Variants in P2RY10 observed in about 807,000 individuals in gnomAD.
P2RY10 encodes P2Y receptor family member 10.
P2RY10 carries 4 observed loss-of-function variants against 12.1 expected under a neutral mutation model. The observed-to-expected ratio is 0.33, with a 90% CI of 0.16 to 0.76. The LOEUF (loss-of-function observed/expected upper bound fraction) is 0.76. P2RY10 is among the 30% of genes least tolerant of loss of function. The probability of loss-of-function intolerance (pLI) is 0.61; values close to 1 mark genes in which losing one functional copy is unlikely to be tolerated. For synonymous variants in P2RY10, 112 were observed against 94.1 expected (o/e 1.19, Z -1.10); for missense variants, 233 against 264.6 (o/e 0.88, Z 0.83).
At chrX:78,947,548 C>T (rs1044472768) in intron 1 of P2RY10, among the ~76,000 whole-genome samples, 7 of 111,622 alleles carry the variant, frequency 6.3e-5, no homozygotes, top group Admixed American at 2.8e-4. Context: ...GTGTGGCCTT[C>T]GGTGAGTTAT....
chrX:78,950,121 A>G (rs1922040670), intron 2 of P2RY10, among the ~76,000 whole-genome samples: 1 of 111,478 alleles, frequency 9.0e-6, no homozygotes, highest in African/African-American at 3.3e-5. Context: ...GGAGAAGTAA[A>G]TTTGATAAAC....
rs1197184372 is a variant in P2RY10, at chrX:78,961,154, A to T, written c.634A>T (p.Ile212Phe). ...GCTTGCAGGATTTGTGATCCCAGTG[A>T]TCATCATCGCATGGTGTACCTGGAA... ...AELAGFVIPV[I>F]IIAWCTWKTT... Residue 212 changes from isoleucine to phenylalanine, a missense_variant, in exon 4 of 4, where the codon ATC becomes TTC. Transcript: ENST00000171757. 5 of 1,211,243 alleles carry T rather than the reference A, an allele frequency of 4.1e-6. No individual in the cohort carries two copies. Among genetic ancestry groups the T allele is most frequent in the Admixed American group, 4.3e-5 (2 of 46,039 alleles).
Position 78,961,683 on chromosome X carries a change from G to C in P2RY10, c.*143G>C. On this transcript the variant is annotated 3_prime_UTR_variant, in exon 4 of 4. Transcript: ENST00000171757. ...TTTTGTGTAATATTCACAGTCAACAGGGGTGTGATGGTGAAGGCAGAGTGT... is the reference window on the plus strand; with the variant it reads ...TTTTGTGTAATATTCACAGTCAACACGGGTGTGATGGTGAAGGCAGAGTGT... 1 of 431,595 alleles carries C rather than the reference G, an allele frequency of 2.3e-6. No homozygotes were observed. The highest frequency in any genetic ancestry group is 4.0e-6 in the Non-Finnish European group (1 of 251,765). 35.6% of individuals were successfully genotyped at this position (431,595 alleles called of 1,213,427 possible). A position where few individuals can be genotyped will look rare whatever the true frequency, so the allele number is the denominator to read the frequency against.
intron 3 of P2RY10, among the ~76,000 whole-genome samples, chrX:78,958,250 G>A (rs1411922155): frequency 3.6e-5 from 4 of 112,658 alleles, no homozygotes; most frequent in Non-Finnish European, 7.5e-5. Context: ...CAGTGAAATC[G>A]AAATAATGTC....
At chrX:78,947,388 G>A (rs777523292) in intron 1 of P2RY10, among the ~76,000 whole-genome samples, 1 of 111,635 alleles carries the variant, frequency 9.0e-6, no homozygotes, top group South Asian at 3.8e-4. Context: ...TTGGCAAAAA[G>A]GTTTATTTAT....
intron 3 of P2RY10, among the ~76,000 whole-genome samples, chrX:78,956,987 C>A (rs750451105): frequency 2.7e-5 from 3 of 110,992 alleles, no homozygotes; most frequent in Middle Eastern, 4.7e-3. Context: ...GTTGCAATAG[C>A]CAATAGGGTT....
intron 2 of P2RY10, among the ~76,000 whole-genome samples, chrX:78,948,256 C>G (rs1463149088): frequency 4.5e-5 from 5 of 111,965 alleles, no homozygotes; most frequent in Non-Finnish European, 9.4e-5. Context: ...TACCCTTTAA[C>G]TTTAAAAATT....
At chrX:78,949,604 C>T (rs1445160310) in intron 2 of P2RY10, among the ~76,000 whole-genome samples, 1 of 112,200 alleles carries the variant, frequency 8.9e-6, no homozygotes, top group Non-Finnish European at 1.9e-5. Flanking sequence ...GATTGAAAGT[C>T]CAATACATAT....
At chrX:78,950,593 AGCACAATTCCATAAAGAACGTTGGT>A (rs1310557574) in intron 2 of P2RY10, among the ~76,000 whole-genome samples, 2 of 111,598 alleles carry the variant, frequency 1.8e-5, no homozygotes, top group Admixed American at 1.9e-4. Flanking sequence ...TGAATTCATA[AGCACAATTCCATAAAGAACGTTGGT>A]TTTGATATAA....
At chrX:78,951,576 T>C (rs1194671318) in intron 2 of P2RY10, among the ~76,000 whole-genome samples, 1 of 110,926 alleles carries the variant, frequency 9.0e-6, no homozygotes, top group African/African-American at 3.3e-5. Context: ...GGTTGCCCGA[T>C]GTAAGGAAAA....
intron 2 of P2RY10, among the ~76,000 whole-genome samples, chrX:78,951,515 G>T (rs1194425421): frequency 9.0e-6 from 1 of 111,373 alleles, no homozygotes; most frequent in Non-Finnish European, 1.9e-5. Context: ...CCTTCTCACA[G>T]TGCAGCCTAT....
chrX:78,956,013 C>T (rs1286092510), intron 3 of P2RY10, among the ~76,000 whole-genome samples: 1 of 111,897 alleles, frequency 8.9e-6, no homozygotes, highest in African/African-American at 3.2e-5. Flanking sequence ...ACAGACGCAG[C>T]CTCCTCACTC....
chrX:78,952,544 A>T (rs1922151899), intron 3 of P2RY10, among the ~76,000 whole-genome samples: 1 of 111,879 alleles, frequency 8.9e-6, no homozygotes, highest in Non-Finnish European at 1.9e-5. Context: ...GAAGGGCAGG[A>T]AGGCAACAAA....
intron 1 of P2RY10, among the ~76,000 whole-genome samples, chrX:78,945,774 A>G (rs1228127093): frequency 8.9e-6 from 1 of 112,087 alleles, no homozygotes; most frequent in Non-Finnish European, 1.9e-5. Flanking sequence ...AGAGAGTGGG[A>G]CCAGAGAAGA....
At chrX:78,953,319 T>A (rs1005202173) in intron 3 of P2RY10, among the ~76,000 whole-genome samples, 1 of 111,925 alleles carries the variant, frequency 8.9e-6, no homozygotes, top group Non-Finnish European at 1.9e-5. Flanking sequence ...TTTCTGGAAA[T>A]GTATGGTGCA....
Position 78,963,505 on chromosome X carries a change from A to G in P2RY10, c.*1965A>G, listed in dbSNP as rs1922734655. Among the ~76,000 whole-genome samples, 1 of 112,328 alleles carries G rather than the reference A, an allele frequency of 8.9e-6. No homozygotes were observed. The highest frequency in any genetic ancestry group is 9.4e-5 in the Admixed American group (1 of 10,630). On this transcript the variant is annotated 3_prime_UTR_variant, in exon 4 of 4. Transcript: ENST00000171757. The stretch of plus-strand genomic sequence containing the variant: ...CCTGCTATGTCTGTGGAGAAATGGA[A>G]CTGCAATCCTCAAGAGTCACACTTC...
chrX:78,953,887 T>C (rs2858566), intron 3 of P2RY10, among the ~76,000 whole-genome samples: 2,002 of 111,645 alleles, frequency 0.018, 36 homozygotes, highest in African/African-American at 0.062. Context: ...ATTTTTGAGA[T>C]GGGGTCTTGC....
chrX:78,947,409 A>T (rs978306933), intron 1 of P2RY10, among the ~76,000 whole-genome samples: 1 of 112,106 alleles, frequency 8.9e-6, no homozygotes, highest in Non-Finnish European at 1.9e-5. Flanking sequence ...TCTTCAGATC[A>T]GTATATTTTG....
chrX:78,953,990 G>C (rs1474276540), intron 3 of P2RY10, among the ~76,000 whole-genome samples: 1 of 111,493 alleles, frequency 9.0e-6, no homozygotes, highest in Non-Finnish European at 1.9e-5. Context: ...TCAGCCTCCT[G>C]AGTGGCTGGG....
Sources: allele counts gnomAD v4.1 joint callset (sites outside exome capture counted in the v4.1 genomes callset), GRCh38; gene constraint gnomAD v4.1.1; transcripts MANE v1.5; gene names NCBI Gene and HGNC (gene_info 2026-07-23, HGNC 2026-07-21).